Variants in DISP3 observed in about 807,000 individuals in gnomAD.
The protein encoded by DISP3 is dispatched RND transporter family member 3, also known as protein dispatched homolog 3.
DISP3 carries 101 observed loss-of-function variants against 135.3 expected under a neutral mutation model. The ratio of observed to expected loss-of-function variants is 0.75; its 90% CI spans 0.64 to 0.88. DISP3 has a LOEUF of 0.88. Among genes scored for constraint, DISP3 ranks in the 40% least tolerant of loss-of-function variants. DISP3 has a pLI of 0.00. For missense variants in DISP3, 1,713 were observed against 1,878.6 expected (o/e 0.91, Z 1.63); for synonymous variants, 856 against 817.0 (o/e 1.05, Z -0.81).
intron 3 of DISP3, among the ~76,000 whole-genome samples, chr1:11,512,154 A>G (rs1319558620): frequency 6.6e-6 from 1 of 152,126 alleles, no homozygotes; most frequent in Non-Finnish European, 1.5e-5. Flanking sequence ...GAAATTCTCC[A>G]TTGCAGAGAA....
chr1:11,537,000 C>G lies in DISP3; in HGVS notation c.*314C>G, dbSNP rs1378252390. The G allele has an allele frequency of 1.3e-5, 5 of 379,394 alleles. No homozygotes were observed. Among genetic ancestry groups the G allele is most frequent in the Non-Finnish European group, 1.4e-5 (3 of 208,572 alleles). 23.5% of individuals were successfully genotyped at this position (379,394 alleles called of 1,614,324 possible). On this transcript the variant is annotated 3_prime_UTR_variant, in exon 21 of 21. Coordinates refer to ENST00000294484, the MANE Select transcript of DISP3 (RefSeq NM_020780.2). This position sits in a 1 kb window ranked among gnomAD's most constrained non-coding sequence, Gnocchi z 4.3. ...TCAGGTTATTTTTGTAGGGGGTCTC[C>G]CTCTCACACTGCCTCAGTGCTCACA... is the stretch of plus-strand genomic sequence containing the variant.
intron 3 of DISP3, among the ~76,000 whole-genome samples, chr1:11,512,179 G>A (rs372903821): frequency 4.6e-5 from 7 of 152,166 alleles, no homozygotes; most frequent in African/African-American, 1.7e-4. Context: ...AATCCCCATG[G>A]TCTTGGGGAT....
chr1:11,494,754 T>C (rs1301924171), intron 1 of DISP3, among the ~76,000 whole-genome samples: 2 of 152,244 alleles, frequency 1.3e-5, no homozygotes, highest in African/African-American at 4.8e-5. Context: ...TAGCTCCTAA[T>C]TGCCGTTAAA....
At chr1:11,509,266 G>T (rs746999917) in intron 3 of DISP3, among the ~76,000 whole-genome samples, 2 of 151,742 alleles carry the variant, frequency 1.3e-5, no homozygotes, top group Admixed American at 6.6e-5. Flanking sequence ...AACATATTTT[G>T]TGTGATATAA....
rs772350168 is a variant in DISP3, at chr1:11,529,878, C to T, written c.3021C>T (p.Thr1007=). 24 of 1,614,036 alleles carry T rather than the reference C, an allele frequency of 1.5e-5. No homozygotes were observed. The highest frequency in any genetic ancestry group is 2.2e-5 in the South Asian group (2 of 91,082). The change falls in exon 15 of 21, where the codon ACC becomes ACT. Residue 1007 remains threonine (T), a synonymous_variant. Coordinates refer to ENST00000294484, the MANE Select transcript of DISP3 (RefSeq NM_020780.2). The surrounding 1 kb of genome is among the most constrained non-coding windows in gnomAD (Gnocchi z 4.7). ...GKPAVRPLVD[T]GAMVFVVFGI... is the part of the protein sequence containing the mutation. ...CGGCGGTGCGGCCACTAGTGGATAC[C>T]GGGGCCATGGTCTTTGTGGTCTTCG...
At position 11,501,205 on chromosome 1, in the gene DISP3, G is replaced by A. The variant is rs375799887; in HGVS notation, c.213G>A (p.Pro71=). The A allele has an allele frequency of 1.5e-5, 25 of 1,613,878 alleles. No homozygotes were observed. Among genetic ancestry groups the A allele is most frequent in the Non-Finnish European group, 1.9e-5 (23 of 1,179,912 alleles). Residue 71 remains proline (P), a synonymous_variant, in exon 2 of 21, where the codon CCG becomes CCA. Coordinates refer to ENST00000294484, the MANE Select transcript of DISP3 (RefSeq NM_020780.2). The surrounding 1 kb of genome is among the most constrained non-coding windows in gnomAD (Gnocchi z 4.9). ...WSTLGWAFTN[P]CCAGLVLFLG... is the part of the protein sequence containing the mutation. ...CCCTGGGCTGGGCCTTCACCAATCC[G>A]TGCTGTGCTGGGCTGGTGCTCTTCC...
rs1354745865 is a variant in DISP3, at chr1:11,483,844, G to A, written c.-4+4472G>A. Among the ~76,000 whole-genome samples the A allele has an allele frequency of 6.6e-6, 1 of 152,206 alleles. No homozygotes were observed. Among genetic ancestry groups the A allele is most frequent in the East Asian group, 1.9e-4 (1 of 5,194 alleles). ...CAACTTAACTCTGTAAGAGGTCAAG[G>A]ATATGAGAAGCCTCTGCAGATGGGG... On this transcript the variant is annotated intron_variant, in intron 1 of 20. Transcript: ENST00000294484. The surrounding 1 kb of genome is among the most constrained non-coding windows in gnomAD (Gnocchi z 5.4).
rs980775701 is a variant in DISP3, at chr1:11,532,200, C to A, written c.3375+490C>A. Reference sequence around the variant, plus strand: ...GCATAGGCACACATGTGTGCACATACCCACACATGCACACACTCCTGACCT... The same window carrying A: ...GCATAGGCACACATGTGTGCACATAACCACACATGCACACACTCCTGACCT... On this transcript the variant is annotated intron_variant, in intron 17 of 20. Coordinates refer to ENST00000294484, the MANE Select transcript of DISP3 (RefSeq NM_020780.2). Among the ~76,000 whole-genome samples the A allele has an allele frequency of 5.9e-5, 9 of 152,212 alleles. No homozygotes were observed. The East Asian group carries it at 1.7e-3, about 29-fold the overall frequency.
At chr1:11,497,212 T>A (rs535931099) in intron 1 of DISP3, among the ~76,000 whole-genome samples, 13 of 152,288 alleles carry the variant, frequency 8.5e-5, no homozygotes, top group Non-Finnish European at 5.9e-5. Flanking sequence ...ATTAAAATTT[T>A]AAAAAATTTT....
chr1:11,514,942 G>C (rs989886717), intron 4 of DISP3, among the ~76,000 whole-genome samples: 1 of 152,172 alleles, frequency 6.6e-6, no homozygotes, highest in South Asian at 2.1e-4. Flanking sequence ...GCTTACTCCT[G>C]TCTGTATACA....
rs558905081 is a variant in DISP3 at position 11,503,017 on chromosome 1, A to T, written c.1316+120A>T. ...TTTCCTTTGGAAGTCTTTCTTTCCA[A>T]ATTGGGGCAGAACCAAGTACATCCT... On this transcript the variant is annotated intron_variant, in intron 3 of 20. Transcript: ENST00000294484. The T allele has an allele frequency of 3.7e-5, 34 of 918,812 alleles. 1 individual carries two copies. The South Asian group carries it at 5.8e-4, about 16-fold the overall frequency. 56.9% of individuals were successfully genotyped at this position (918,812 alleles called of 1,614,324 possible).
At chr1:11,487,857 C>T (rs1418241109) in intron 1 of DISP3, among the ~76,000 whole-genome samples, 2 of 152,198 alleles carry the variant, frequency 1.3e-5, no homozygotes, top group Non-Finnish European at 2.9e-5. Flanking sequence ...GCCTCAGGAC[C>T]CCAAGGACCC....
At chr1:11,486,088 G>T (rs2100356237) in intron 1 of DISP3, among the ~76,000 whole-genome samples, 1 of 152,332 alleles carries the variant, frequency 6.6e-6, no homozygotes, top group South Asian at 2.1e-4. Context: ...CCACCGAACA[G>T]ATCACTTTTT....
intron 10 of DISP3, among the ~76,000 whole-genome samples, chr1:11,522,606 A>AGCCCAGCCAGGGCCCAGCCAGG (rs1642240161): frequency 3.2e-5 from 1 of 31,156 alleles, no homozygotes; most frequent in Admixed American, 3.9e-4. Context: ...ACCCAGCCAG[A>AGCCCAGCCAGGGCCCAGCCAGG]GCCCAGCCAG....
At chr1:11,497,738 T>C (rs1473977440) in intron 1 of DISP3, among the ~76,000 whole-genome samples, 5 of 152,174 alleles carry the variant, frequency 3.3e-5, no homozygotes, top group African/African-American at 1.2e-4. Flanking sequence ...CTCCCACGTA[T>C]CAGTGAGAAC....
chr1:11,519,557 T>G lies in DISP3; in HGVS notation c.2038+54T>G. ...GACCCCAGTGAGACCCAGCGCTGCC[T>G]CTGCCAGGGGAGTAACACTTGACAA... On this transcript the variant is annotated intron_variant, in intron 8 of 20. Coordinates refer to ENST00000294484, the MANE Select transcript of DISP3 (RefSeq NM_020780.2). The surrounding 1 kb of genome is among the most constrained non-coding windows in gnomAD (Gnocchi z 4.3). 1 of 1,598,302 alleles carries G rather than the reference T, an allele frequency of 6.3e-7. No homozygotes were observed. Among genetic ancestry groups the G allele is most frequent in the Non-Finnish European group, 8.5e-7 (1 of 1,170,676 alleles).
At chr1:11,533,105 T>C (rs1467395287) in intron 17 of DISP3, among the ~76,000 whole-genome samples, 1 of 151,912 alleles carries the variant, frequency 6.6e-6, no homozygotes, top group African/African-American at 2.4e-5. Flanking sequence ...CTTTCCAAAC[T>C]GAAGCTCTGT....
intron 13 of DISP3, among the ~76,000 whole-genome samples, chr1:11,528,006 G>A (rs572358992): frequency 8.5e-5 from 13 of 152,282 alleles, no homozygotes; most frequent in African/African-American, 2.6e-4. Context: ...CACCTTGGCC[G>A]TCTCATTTGG....
At chr1:11,505,824 T>G (rs953946753) in intron 3 of DISP3, among the ~76,000 whole-genome samples, 1 of 152,234 alleles carries the variant, frequency 6.6e-6, no homozygotes, top group African/African-American at 2.4e-5. Flanking sequence ...TCATTTATAT[T>G]TATTCACATA....
Sources: allele counts gnomAD v4.1 joint callset (sites outside exome capture counted in the v4.1 genomes callset), GRCh38; gene constraint gnomAD v4.1.1; non-coding constraint Gnocchi (gnomAD v3.1); transcripts MANE v1.5; gene names NCBI Gene and HGNC (gene_info 2026-07-23, HGNC 2026-07-21).